The following TRPM3 variants were observed in gnomAD, a reference collection of about 807,000 sequenced individuals.
The protein encoded by TRPM3 is long transient receptor potential channel 3.
TRPM3 carries 77 observed loss-of-function variants against 181.2 expected under a neutral mutation model. The observed-to-expected ratio is 0.42, with a 90% CI of 0.35 to 0.51. The LOEUF (loss-of-function observed/expected upper bound fraction) is 0.51. Ranked by LOEUF, TRPM3 falls within the 20% of genes least tolerant of loss-of-function variation. TRPM3 has a pLI of 0.01. For missense variants in TRPM3, 1,759 were observed against 2,196.7 expected, an observed-to-expected ratio of 0.80 and a Z score of 3.98; for synonymous variants, 745 against 796.4, an observed-to-expected ratio of 0.94 and a Z score of 1.09.
At chr9:71,152,599 T>A (rs969421520) in intron 1 of TRPM3, among the ~76,000 whole-genome samples, 7 of 152,162 alleles carry the variant, frequency 4.6e-5, no homozygotes, top group African/African-American at 1.4e-4. Context: ...ACAGAGATAG[T>A]CTGTCCTCGT....
intron 11 of TRPM3, among the ~76,000 whole-genome samples, chr9:70,636,998 G>T (rs973712487): frequency 2.0e-5 from 3 of 152,112 alleles, no homozygotes; most frequent in Non-Finnish European, 4.4e-5. Flanking sequence ...CTTAAGCACT[G>T]TTGCAACCAT....
chr9:70,747,288 C>G (rs961018311), intron 8 of TRPM3, among the ~76,000 whole-genome samples: 1 of 151,928 alleles, frequency 6.6e-6, no homozygotes, highest in Admixed American at 6.6e-5. Context: ...CAAATGGATT[C>G]CAGGTGTGTG....
chr9:71,058,611 CA>C (rs2060940338), intron 1 of TRPM3, among the ~76,000 whole-genome samples: 1 of 151,960 alleles, frequency 6.6e-6, no homozygotes, highest in South Asian at 2.1e-4. Context: ...ACATGCTTTT[CA>C]AATTTCTAGA....
At chr9:71,404,675 T>C (rs909510977) in intron 1 of TRPM3, among the ~76,000 whole-genome samples, 2 of 152,166 alleles carry the variant, frequency 1.3e-5, no homozygotes, top group Admixed American at 6.6e-5. Context: ...TTCAAGATAA[T>C]GTCACTGGTC....
At chr9:71,119,434 A>G (rs2073141610) in intron 1 of TRPM3, among the ~76,000 whole-genome samples, 3 of 151,320 alleles carry the variant, frequency 2.0e-5, no homozygotes, top group Admixed American at 2.0e-4. Flanking sequence ...AAAAAAGATG[A>G]CAGAACTCAC....
intron 1 of TRPM3, among the ~76,000 whole-genome samples, chr9:71,326,647 T>G (rs952725245): frequency 6.6e-6 from 1 of 152,188 alleles, no homozygotes; most frequent in Non-Finnish European, 1.5e-5. Context: ...TTCACCCGCA[T>G]TGATACTGCC....
Position 70,831,976 on chromosome 9 carries a change from TATATATA to T in TRPM3, c.802-3965_802-3959del, listed in dbSNP as rs1564496959. ...TGTACCCCATAAATATATATATATA[TATATATA>T]TATATATATATATACCTACTATGTA... is the stretch of plus-strand genomic sequence containing the variant. On this transcript the variant is annotated intron_variant, in intron 5 of 25. Coordinates refer to ENST00000677713, the MANE Select transcript of TRPM3 (RefSeq NM_001366145.2). Among the ~76,000 whole-genome samples, 12 of 85,184 alleles carry T rather than the reference TATATATA, an allele frequency of 1.4e-4. 1 individual carries two copies. Among genetic ancestry groups the T allele is most frequent in the African/African-American group, 5.9e-4 (12 of 20,360 alleles). 55.9% of individuals were successfully genotyped at this position (85,184 alleles called of 152,430 possible). A position where few individuals can be genotyped will look rare whatever the true frequency, so the allele number is the denominator to read the frequency against.
intron 1 of TRPM3, among the ~76,000 whole-genome samples, chr9:71,059,519 G>C (rs1332436660): frequency 1.3e-5 from 2 of 151,936 alleles, no homozygotes; most frequent in African/African-American, 2.4e-5. Flanking sequence ...AACTTGGCTG[G>C]GCTATCGTAC....
intron 1 of TRPM3, among the ~76,000 whole-genome samples, chr9:71,177,256 T>C (rs542558206): frequency 2.0e-4 from 30 of 152,140 alleles, no homozygotes; most frequent in Non-Finnish European, 3.8e-4. Flanking sequence ...TTCTACATTA[T>C]GATGAGTTGT....
chr9:71,181,738 G>A (rs1410753178), intron 1 of TRPM3, among the ~76,000 whole-genome samples: 4 of 152,000 alleles, frequency 2.6e-5, no homozygotes, highest in Non-Finnish European at 1.5e-5. Context: ...TTCTTTTCTC[G>A]TTATCTGCCG....
At chr9:70,629,236 T>G (rs2065326294) in intron 12 of TRPM3, among the ~76,000 whole-genome samples, 1 of 68,066 alleles carries the variant, frequency 1.5e-5, no homozygotes, top group African/African-American at 4.5e-5. Context: ...GGGGCCTGCG[T>G]TCTGTTTGAC....
chr9:70,678,371 G>A (rs934339894), intron 9 of TRPM3, among the ~76,000 whole-genome samples: 1 of 152,002 alleles, frequency 6.6e-6, no homozygotes, highest in Non-Finnish European at 1.5e-5. Flanking sequence ...GGGCTCAAGT[G>A]CTACTCCCGC....
chr9:71,081,807 T>C (rs2064391455), intron 1 of TRPM3, among the ~76,000 whole-genome samples: 1 of 152,142 alleles, frequency 6.6e-6, no homozygotes, highest in South Asian at 2.1e-4. Flanking sequence ...GAGTCTTGTT[T>C]TGGCATTAAG....
chr9:71,027,747 C>T (rs1171435774), intron 1 of TRPM3, among the ~76,000 whole-genome samples: 5 of 152,006 alleles, frequency 3.3e-5, no homozygotes, highest in Non-Finnish European at 5.9e-5. Flanking sequence ...GGAAATAAGA[C>T]AGTCAGACAA....
At chr9:70,652,785 A>G (rs1023419221) in intron 9 of TRPM3, among the ~76,000 whole-genome samples, 2 of 152,208 alleles carry the variant, frequency 1.3e-5, no homozygotes, top group African/African-American at 4.8e-5. Context: ...TGAGAGGTTC[A>G]GGAAGATGAT....
chr9:71,316,329 T>A (rs2088587862), intron 1 of TRPM3, among the ~76,000 whole-genome samples: 1 of 152,182 alleles, frequency 6.6e-6, no homozygotes, highest in African/African-American at 2.4e-5. Flanking sequence ...GGTTACTCCC[T>A]AACTGTTCTA....
chr9:71,397,648 C>G (rs1354042789), intron 1 of TRPM3, among the ~76,000 whole-genome samples: 1 of 152,144 alleles, frequency 6.6e-6, no homozygotes, highest in Non-Finnish European at 1.5e-5. Flanking sequence ...TTCTGACCAC[C>G]TATATCAGAG....
chr9:70,757,237 A>G (rs1433272111), intron 8 of TRPM3, among the ~76,000 whole-genome samples: 1 of 152,206 alleles, frequency 6.6e-6, no homozygotes, highest in Non-Finnish European at 1.5e-5. Flanking sequence ...AATATAGAAG[A>G]AATGGATAAA....
In TRPM3 at chr9:71,003,181, T is replaced by C. The variant is rs181703525; in HGVS notation, c.177+117997A>G. Among the ~76,000 whole-genome samples the C allele has an allele frequency of 1.5e-4, 20 of 130,490 alleles. No individual in the cohort carries two copies. In the Admixed American group the frequency reaches 1.7e-3, roughly 11 times the overall value. The allele number at this position is 130,490 out of a possible 152,430, so 85.6% of individuals were successfully genotyped here. A position where few individuals can be genotyped will look rare whatever the true frequency, so the allele number is the denominator to read the frequency against. On this transcript the variant is annotated intron_variant, in intron 1 of 25. Coordinates refer to ENST00000677713, the MANE Select transcript of TRPM3 (RefSeq NM_001366145.2). ...ATTCAGTTTAAACATTTTGAATCCT[T>C]TTCCCTTGCCTTAAAAAAAAAAAAA...
Sources: allele counts gnomAD v4.1 joint callset (sites outside exome capture counted in the v4.1 genomes callset), GRCh38; gene constraint gnomAD v4.1.1; transcripts MANE v1.5; gene names NCBI Gene and HGNC (gene_info 2026-07-23, HGNC 2026-07-21).